RBFOX1: variants seen among roughly 807,000 people sequenced by gnomAD.
RBFOX1 encodes the protein RNA binding protein fox-1 homolog 1.
RBFOX1 carries 8 observed loss-of-function variants against 57.7 expected under a neutral mutation model. That is an observed-to-expected ratio of 0.14 (90% CI 0.08 to 0.25). The LOEUF is 0.25. Ranked by LOEUF, RBFOX1 falls within the 10% of genes least tolerant of loss-of-function variation. RBFOX1 has a pLI of 1.00. For synonymous variants in RBFOX1, 326 were observed against 222.4 expected (o/e 1.47, Z -4.15); for missense variants, 611 against 548.5 (o/e 1.11, Z -1.14).
Position 5,496,060 on chromosome 16 carries a change from G to A in RBFOX1, c.258+28806G>A, listed in dbSNP as rs528539882. Among the ~76,000 whole-genome samples the A allele has an allele frequency of 2.0e-5, 3 of 152,082 alleles. No homozygotes were observed. The South Asian group carries it at 6.2e-4, about 31-fold the overall frequency. ...AGAATTGCTTCAACCCAGGAGGCAG[G>A]GGTTGCAGTGAGCCAACATCGCACC... On this transcript the variant is annotated intron_variant, in intron 2 of 2. Transcript: ENST00000585867.
chr16:6,852,278 C>T (rs372388086), intron 3 of RBFOX1, among the ~76,000 whole-genome samples: 15 of 152,120 alleles, frequency 9.9e-5, no homozygotes, highest in East Asian at 3.9e-4. Flanking sequence ...TGCTGTCTTC[C>T]GTTCTGTGTG....
chr16:7,471,955 CA>C (rs1038012269), intron 4 of RBFOX1, among the ~76,000 whole-genome samples: 4 of 151,970 alleles, frequency 2.6e-5, no homozygotes, highest in African/African-American at 4.8e-5. Flanking sequence ...AAGAAGCTGA[CA>C]AAAAAGGTGC....
chr16:5,817,449 G>T (rs2055683941), intron 3 of RBFOX1, among the ~76,000 whole-genome samples: 2 of 152,158 alleles, frequency 1.3e-5, no homozygotes, highest in Non-Finnish European at 2.9e-5. Flanking sequence ...ATAAATAAAT[G>T]TCTTTTCAAT....
intron 3 of RBFOX1, among the ~76,000 whole-genome samples, chr16:6,899,747 C>G (rs981966884): frequency 6.6e-6 from 1 of 152,166 alleles, no homozygotes; most frequent in Non-Finnish European, 1.5e-5. Flanking sequence ...TGCTGTCCCT[C>G]AACATTTACA....
At chr16:6,409,560 T>A (rs1438027053) in intron 2 of RBFOX1, among the ~76,000 whole-genome samples, 1 of 152,200 alleles carries the variant, frequency 6.6e-6, no homozygotes, top group Non-Finnish European at 1.5e-5. Context: ...TATACCTCCA[T>A]GAAAAGTTGT....
At chr16:7,407,373 G>GGTGTGTGTGT (rs77358035) in intron 4 of RBFOX1, among the ~76,000 whole-genome samples, 20 of 149,662 alleles carry the variant, frequency 1.3e-4, no homozygotes, top group African/African-American at 4.9e-4. Context: ...GATTTGTATG[G>GGTGTGTGTGT]GTGTGTGTGT....
chr16:6,111,639 C>T (rs928943910), intron 1 of RBFOX1, among the ~76,000 whole-genome samples: 4 of 152,002 alleles, frequency 2.6e-5, no homozygotes, highest in Non-Finnish European at 4.4e-5. Context: ...GAGTCATTGG[C>T]GGTAACAGGA....
At chr16:5,646,053 G>A (rs1238830246) in intron 3 of RBFOX1, among the ~76,000 whole-genome samples, 2 of 151,312 alleles carry the variant, frequency 1.3e-5, no homozygotes, top group Non-Finnish European at 2.9e-5. Flanking sequence ...TTTTTGAGAC[G>A]GAGTCTCGCT....
At chr16:7,609,856 C>T (rs2057084464) in intron 10 of RBFOX1, among the ~76,000 whole-genome samples, 2 of 151,922 alleles carry the variant, frequency 1.3e-5, no homozygotes, top group Non-Finnish European at 2.9e-5. Flanking sequence ...TTTGCTCTGT[C>T]TCCCAGGCTG....
chr16:6,506,114 G>A (rs898335372), intron 2 of RBFOX1, among the ~76,000 whole-genome samples: 1 of 152,178 alleles, frequency 6.6e-6, no homozygotes, highest in Non-Finnish European at 1.5e-5. Context: ...CTAAGAAAGT[G>A]GCACTGAGCT....
chr16:7,626,213 A>G (rs1233674694), intron 10 of RBFOX1, among the ~76,000 whole-genome samples: 3 of 152,238 alleles, frequency 2.0e-5, no homozygotes, highest in African/African-American at 4.8e-5. Context: ...GGTTGGCAGC[A>G]GAGTAAACAG....
At chr16:6,573,292 G>C (rs1345298) in intron 2 of RBFOX1, among the ~76,000 whole-genome samples, 2 of 151,850 alleles carry the variant, frequency 1.3e-5, no homozygotes, top group Middle Eastern at 3.2e-3. Context: ...AGTCTGCCAG[G>C]GGACGCCATA....
intron 3 of RBFOX1, among the ~76,000 whole-genome samples, chr16:6,931,591 C>G (rs1287740488): frequency 1.3e-5 from 2 of 152,092 alleles, no homozygotes; most frequent in South Asian, 2.1e-4. Context: ...CAATGGACAA[C>G]ATATCCCACC....
At chr16:6,737,235 T>A (rs12926913) in intron 3 of RBFOX1, among the ~76,000 whole-genome samples, 23,302 of 152,146 alleles carry the variant, frequency 0.15, 1,850 homozygotes, top group Middle Eastern at 0.19. Context: ...AAATAAAGGG[T>A]TATGATATTT....
chr16:7,140,193 TCCC>T (rs2073355950), intron 4 of RBFOX1, among the ~76,000 whole-genome samples: 2 of 133,724 alleles, frequency 1.5e-5, no homozygotes, highest in Non-Finnish European at 3.2e-5. Flanking sequence ...TCTCTCTCTC[TCCC>T]TCCTTCTCCC....
chr16:7,184,122 G>C (rs538708430), intron 4 of RBFOX1, among the ~76,000 whole-genome samples: 1 of 152,200 alleles, frequency 6.6e-6, no homozygotes, highest in African/African-American at 2.4e-5. Context: ...TAAAATCACT[G>C]ACAGGAAAGG....
chr16:5,426,910 C>T (rs539242607), intron 1 of RBFOX1, among the ~76,000 whole-genome samples: 1 of 152,132 alleles, frequency 6.6e-6, no homozygotes, highest in Non-Finnish European at 1.5e-5. Context: ...AAATTGGAGC[C>T]CAGAGCCCTG....
intron 3 of RBFOX1, among the ~76,000 whole-genome samples, chr16:5,624,366 T>G (rs1447877177): frequency 1.3e-5 from 2 of 152,176 alleles, no homozygotes; most frequent in African/African-American, 4.8e-5. Flanking sequence ...AACTAATTTT[T>G]TTTCTTATTT....
At chr16:7,379,677 C>T (rs1383667745) in intron 4 of RBFOX1, among the ~76,000 whole-genome samples, 1 of 152,082 alleles carries the variant, frequency 6.6e-6, no homozygotes, top group Non-Finnish European at 1.5e-5. Context: ...TTTAGCCACA[C>T]TGAAATTATT....
Sources: allele counts gnomAD v4.1 joint callset (sites outside exome capture counted in the v4.1 genomes callset), GRCh38; gene constraint gnomAD v4.1.1; transcripts MANE v1.5; gene names NCBI Gene and HGNC (gene_info 2026-07-23, HGNC 2026-07-21).